Variants in CAMSAP2 observed in about 807,000 individuals in gnomAD.
CAMSAP2 encodes the protein calmodulin regulated spectrin associated protein family member 2, also known as calmodulin-regulated spectrin-associated protein 2.
A neutral mutation model predicts 146.1 loss-of-function variants in CAMSAP2; 26 were observed. The observed-to-expected ratio is 0.18, with a 90% CI of 0.13 to 0.25. The LOEUF is 0.25. Among genes scored for constraint, CAMSAP2 ranks in the 10% least tolerant of loss-of-function variants. The pLI is 1.00. For synonymous variants in CAMSAP2, 499 were observed against 596.6 expected (o/e 0.84, Z 2.38); for missense variants, 1,381 against 1,759.3 (o/e 0.78, Z 3.85).
In CAMSAP2 at chr1:200,738,898, C is replaced by T. The variant is rs905971342; in HGVS notation, c.-930C>T. Among the ~76,000 whole-genome samples the T allele has an allele frequency of 5.9e-5, 9 of 151,426 alleles. No homozygotes were observed. The highest frequency in any genetic ancestry group is 1.9e-4 in the African/African-American group (8 of 41,186). ...CCGCGCGAAGGCGCATGCTCAGTCT[C>T]CGCATCTGCTCCTTCATCCAGTGCC... On this transcript the variant is annotated 5_prime_UTR_variant, in exon 1 of 17. Coordinates refer to ENST00000358823, the MANE Select transcript of CAMSAP2 (RefSeq NM_203459.4).
intron 6 of CAMSAP2, among the ~76,000 whole-genome samples, chr1:200,840,715 G>A (rs1667304331): frequency 6.6e-6 from 1 of 152,188 alleles, no homozygotes; most frequent in African/African-American, 2.4e-5. Context: ...TTCATAATTA[G>A]CAAGTAGGAA....
chr1:200,830,013 A>AT (rs1667002408), intron 4 of CAMSAP2, among the ~76,000 whole-genome samples: 1 of 152,178 alleles, frequency 6.6e-6, no homozygotes, highest in Non-Finnish European at 1.5e-5. Context: ...GTTGAAATAT[A>AT]AAAATATAGG....
At chr1:200,817,230 A>ATACACACATACACACATATGTGTGTGTG (rs1558192265) in intron 4 of CAMSAP2, among the ~76,000 whole-genome samples, 2 of 87,050 alleles carry the variant, frequency 2.3e-5, no homozygotes, top group African/African-American at 4.4e-5. Flanking sequence ...ATGTGTGTGT[A>ATACACACATACACACATATGTGTGTGTG]TATACACACA....
intron 1 of CAMSAP2, among the ~76,000 whole-genome samples, chr1:200,751,632 C>A (rs1664510843): frequency 6.8e-6 from 1 of 147,602 alleles, no homozygotes; most frequent in African/African-American, 2.5e-5. Flanking sequence ...CTCTCTAAAT[C>A]ATAACAGAAT....
intron 4 of CAMSAP2, among the ~76,000 whole-genome samples, chr1:200,821,699 T>G (rs948800743): frequency 1.1e-4 from 16 of 152,158 alleles, no homozygotes; most frequent in Non-Finnish European, 2.2e-4. Context: ...ATACCTTTTC[T>G]CTTTCATAAT....
At chr1:200,840,722 G>C (rs553033178) in intron 6 of CAMSAP2, among the ~76,000 whole-genome samples, 84 of 152,240 alleles carry the variant, frequency 5.5e-4, no homozygotes, top group African/African-American at 1.9e-3. Context: ...TTAGCAAGTA[G>C]GAAGAAGGCA....
intron 1 of CAMSAP2, among the ~76,000 whole-genome samples, chr1:200,753,779 A>AC (rs1489613669): frequency 2.6e-5 from 4 of 151,952 alleles, no homozygotes; most frequent in African/African-American, 4.8e-5. Context: ...CCTCTGGCAG[A>AC]CCCACTCTGT....
At chr1:200,774,250 CTG>C (rs939896095) in intron 2 of CAMSAP2, among the ~76,000 whole-genome samples, 7 of 151,870 alleles carry the variant, frequency 4.6e-5, no homozygotes, top group Non-Finnish European at 7.4e-5. Flanking sequence ...ACTTTAGTAA[CTG>C]TTATTTTGTT....
Position 200,773,448 on chromosome 1 carries a change from C to T in CAMSAP2, c.399+12350C>T, listed in dbSNP as rs992877586. On this transcript the variant is annotated intron_variant, in intron 2 of 16. Transcript: ENST00000358823. ...TTTTTTGTATTTTTAGTAGAGACGGCGTTTCGCCATGTTAGCCAGGCTGGT... is the reference window on the plus strand; with the variant it reads ...TTTTTTGTATTTTTAGTAGAGACGGTGTTTCGCCATGTTAGCCAGGCTGGT... Among the ~76,000 whole-genome samples, 8 of 151,894 alleles carry T rather than the reference C, an allele frequency of 5.3e-5. No individual in the cohort carries two copies. The South Asian group carries it at 1.0e-3, about 20-fold the overall frequency.
chr1:200,826,007 A>G (rs983447707), intron 4 of CAMSAP2, among the ~76,000 whole-genome samples: 2 of 152,198 alleles, frequency 1.3e-5, no homozygotes, highest in Non-Finnish European at 2.9e-5. Context: ...TTGGACTGCT[A>G]GATTGAAGGG....
Position 200,788,043 on chromosome 1 carries a change from C to T in CAMSAP2, c.400-19333C>T, listed in dbSNP as rs1258960683. Among the ~76,000 whole-genome samples the T allele has an allele frequency of 7.2e-5, 11 of 152,178 alleles. No homozygotes were observed. In the South Asian group the frequency reaches 1.0e-3, roughly 14 times the overall value. ...GGGGATATTAAAAAATTGTGTGACC[C>T]GGTTTATTATGCTACTTGCTTTATT... is the stretch of plus-strand genomic sequence containing the variant. On this transcript the variant is annotated intron_variant, in intron 2 of 16. Coordinates refer to ENST00000358823, the MANE Select transcript of CAMSAP2 (RefSeq NM_203459.4).
chr1:200,810,306 G>T (rs1180795531), intron 3 of CAMSAP2, among the ~76,000 whole-genome samples: 1 of 152,158 alleles, frequency 6.6e-6, no homozygotes, highest in African/African-American at 2.4e-5. Flanking sequence ...TGGGCCGGGC[G>T]TGGTGGCTCA....
Position 200,834,322 on chromosome 1 carries a change from C to T in CAMSAP2, c.927+1477C>T, listed in dbSNP as rs185594258. Among the ~76,000 whole-genome samples the T allele has an allele frequency of 5.9e-4, 89 of 151,820 alleles. 1 individual carries two copies. Among genetic ancestry groups the T allele is most frequent in the African/African-American group, 2.0e-3 (83 of 41,398 alleles). On this transcript the variant is annotated intron_variant, in intron 6 of 16. Transcript: ENST00000358823. Reference sequence around the variant, plus strand: ...AGGTTGCAGTGAGCTGAGATGGCACCACTGCATTCCAGCCTGGGTGACAGA... The same window carrying T: ...AGGTTGCAGTGAGCTGAGATGGCACTACTGCATTCCAGCCTGGGTGACAGA...
rs540847853 is a variant in CAMSAP2, at chr1:200,739,620, AGCGGCGGCG to A, written c.-193_-185del. 475 of 304,412 alleles carry A rather than the reference AGCGGCGGCG, an allele frequency of 1.6e-3. 5 individuals carry two copies. The highest frequency in any genetic ancestry group is 9.0e-3 in the African/African-American group (401 of 44,310). 18.9% of individuals were successfully genotyped at this position (304,412 alleles called of 1,614,324 possible). ...GCGCCGCCACATTCCTATGCCCGGG[AGCGGCGGCG>A]GCGGCGGCGGCGGCTCCCGCGGGAG... On this transcript the variant is annotated 5_prime_UTR_variant, in exon 1 of 17. Coordinates refer to ENST00000358823, the MANE Select transcript of CAMSAP2 (RefSeq NM_203459.4). The surrounding 1 kb of genome is among the most constrained non-coding windows in gnomAD (Gnocchi z 4.8).
At chr1:200,779,156 T>C (rs543518135) in intron 2 of CAMSAP2, among the ~76,000 whole-genome samples, 4 of 152,286 alleles carry the variant, frequency 2.6e-5, no homozygotes, top group Admixed American at 2.6e-4. Flanking sequence ...TATACCATGA[T>C]TTTTGAAGGC....
chr1:200,814,603 G>A (rs1484311328), intron 3 of CAMSAP2, among the ~76,000 whole-genome samples: 1 of 84,362 alleles, frequency 1.2e-5, no homozygotes, highest in East Asian at 3.7e-4. Flanking sequence ...GTGTGAGATT[G>A]CATCCCAAAA....
At chr1:200,825,769 G>A (rs1466306393) in intron 4 of CAMSAP2, among the ~76,000 whole-genome samples, 1 of 152,160 alleles carries the variant, frequency 6.6e-6, no homozygotes, top group Non-Finnish European at 1.5e-5. Flanking sequence ...GCCTCCCAAA[G>A]TGCTGGGATT....
At chr1:200,761,515 C>A (rs182400463) in intron 2 of CAMSAP2, among the ~76,000 whole-genome samples, 27 of 152,256 alleles carry the variant, frequency 1.8e-4, no homozygotes, top group African/African-American at 6.5e-4. Flanking sequence ...GCGGGCAGAT[C>A]ACCTGAGGTC....
intron 4 of CAMSAP2, among the ~76,000 whole-genome samples, chr1:200,822,826 T>C (rs6697899): frequency 0.07 from 10,643 of 152,242 alleles, 433 homozygotes; most frequent in East Asian, 0.15. Flanking sequence ...CTGGATGGAA[T>C]AGGACAGCAT....
Sources: allele counts gnomAD v4.1 joint callset (sites outside exome capture counted in the v4.1 genomes callset), GRCh38; gene constraint gnomAD v4.1.1; non-coding constraint Gnocchi (gnomAD v3.1); transcripts MANE v1.5; gene names NCBI Gene and HGNC (gene_info 2026-07-23, HGNC 2026-07-21).